Variants in TENM4 observed in about 807,000 individuals in gnomAD.
TENM4 encodes the protein teneurin transmembrane protein 4, also known as teneurin-4.
TENM4 carries 82 observed loss-of-function variants against 243.3 expected under a neutral mutation model. That is an observed-to-expected ratio of 0.34 (90% CI 0.28 to 0.40). The LOEUF (loss-of-function observed/expected upper bound fraction) is 0.40. TENM4 is among the 10% of genes least tolerant of loss of function. TENM4 has a pLI of 1.00. For missense variants in TENM4, 3,138 were observed against 3,673.3 expected (o/e 0.85, Z 3.77); for synonymous variants, 1,412 against 1,456.3 (o/e 0.97, Z 0.69).
Position 79,158,614 on chromosome 11 carries a change from G to A in TENM4, c.-162-9808C>T, listed in dbSNP as rs1862674785. 2.0e-5 allele frequency among the ~76,000 whole-genome samples: 3 copies of A among 152,198 alleles called. No individual in the cohort carries two copies. In the South Asian group the frequency reaches 6.2e-4, roughly 32 times the overall value. ...GGAATGGGGAAGGTGAGTAGAATGA[G>A]AAGAATATCATTTCTCATTGTAGTT... On this transcript the variant is annotated intron_variant, in intron 3 of 33. Coordinates refer to ENST00000278550, the MANE Select transcript of TENM4 (RefSeq NM_001098816.3).
Position 78,708,969 on chromosome 11 carries a change from C to CTTT in TENM4, c.4055-457_4055-455dup, listed in dbSNP as rs59269770. 5.2e-3 allele frequency among the ~76,000 whole-genome samples: 585 copies of CTTT among 113,118 alleles called. 6 individuals carry two copies. The highest frequency in any genetic ancestry group is 0.015 in the African/African-American group (548 of 35,812). The allele number at this position is 113,118 out of a possible 152,430, so 74.2% of individuals were successfully genotyped here. On this transcript the variant is annotated intron_variant, in intron 26 of 33. Coordinates refer to ENST00000278550, the MANE Select transcript of TENM4 (RefSeq NM_001098816.3). ...ATTTTTCTTTTCTTTCTTTTTCTTT[C>CTTT]TTTTTTTTTTTTTTTAAAAAAAGAG...
intron 20 of TENM4, among the ~76,000 whole-genome samples, chr11:78,732,860 G>A (rs1855700350): frequency 6.6e-6 from 1 of 152,166 alleles, no homozygotes; most frequent in African/African-American, 2.4e-5. Flanking sequence ...GCTGACAGTG[G>A]TGCTGCTGGT....
intron 14 of TENM4, among the ~76,000 whole-genome samples, chr11:78,811,021 T>C (rs1407853469): frequency 6.6e-6 from 1 of 152,188 alleles, no homozygotes; most frequent in Non-Finnish European, 1.5e-5. Flanking sequence ...CCCAGAATAA[T>C]ACTAATAACA....
chr11:79,009,924 T>A (rs1858598474), intron 6 of TENM4, among the ~76,000 whole-genome samples: 1 of 151,766 alleles, frequency 6.6e-6, no homozygotes, highest in Admixed American at 6.6e-5. Flanking sequence ...GTCATGGGGG[T>A]GGGTTTTTCT....
At chr11:78,770,122 A>G (rs563365262) in intron 18 of TENM4, among the ~76,000 whole-genome samples, 2 of 152,342 alleles carry the variant, frequency 1.3e-5, no homozygotes, top group Admixed American at 6.5e-5. Flanking sequence ...ATGTTTTTTC[A>G]TATCTTTATC....
intron 6 of TENM4, among the ~76,000 whole-genome samples, chr11:79,017,218 C>G (rs1013856417): frequency 6.6e-6 from 1 of 152,142 alleles, no homozygotes; most frequent in Non-Finnish European, 1.5e-5. Flanking sequence ...CAAACAGGAT[C>G]AGTTTAGACA....
At chr11:78,659,442 G>A (rs1219823467) in intron 33 of TENM4, among the ~76,000 whole-genome samples, 1 of 151,738 alleles carries the variant, frequency 6.6e-6, no homozygotes, top group African/African-American at 2.4e-5. Flanking sequence ...GGCTGCTGGA[G>A]AAGGAAGGAG....
intron 3 of TENM4, among the ~76,000 whole-genome samples, chr11:79,192,232 C>T (rs1293642941): frequency 6.6e-6 from 1 of 151,430 alleles, no homozygotes; most frequent in Non-Finnish European, 1.5e-5. Context: ...AGTGAGGAGC[C>T]CCTCTGCCCG....
intron 4 of TENM4, among the ~76,000 whole-genome samples, chr11:79,132,429 C>T (rs569041561): frequency 9.4e-5 from 14 of 149,726 alleles, no homozygotes; most frequent in African/African-American, 3.4e-4. Flanking sequence ...CAGCACTAGA[C>T]AGGTCATCAA....
chr11:79,295,377 A>T (rs1856431869), intron 2 of TENM4, among the ~76,000 whole-genome samples: 1 of 152,158 alleles, frequency 6.6e-6, no homozygotes, highest in South Asian at 2.1e-4. Context: ...GGGAAACTCA[A>T]CCTGTAAAGG....
At chr11:78,867,709 C>T (rs1859018175) in intron 9 of TENM4, among the ~76,000 whole-genome samples, 1 of 152,062 alleles carries the variant, frequency 6.6e-6, no homozygotes, top group African/African-American at 2.4e-5. Flanking sequence ...CAGTTTCATA[C>T]TTATATAAAA....
intron 2 of TENM4, among the ~76,000 whole-genome samples, chr11:79,262,302 G>T (rs1011449373): frequency 1.3e-5 from 2 of 152,152 alleles, no homozygotes; most frequent in Non-Finnish European, 1.5e-5. Flanking sequence ...CACAGTTTAT[G>T]GGTGCTTTTC....
Position 78,856,105 on chromosome 11 carries a change from G to A in TENM4, c.1329C>T (p.Ser443=). The part of the protein sequence containing the change: ...SGEIDVGRRA[S]QKIPPGTFWR... Reference sequence around the variant, plus strand: ...AGAAAGTGCCAGGAGGAATCTTCTGGGAAGCTCGCCTTCCCACATCAATTT... The same window carrying A: ...AGAAAGTGCCAGGAGGAATCTTCTGAGAAGCTCGCCTTCCCACATCAATTT... Residue 443 remains serine, a synonymous_variant, in exon 11 of 34, where the codon TCC becomes TCT. Coordinates refer to ENST00000278550, the MANE Select transcript of TENM4 (RefSeq NM_001098816.3). 1 of 1,551,602 alleles carries A rather than the reference G, an allele frequency of 6.4e-7. No individual in the cohort carries two copies. The highest frequency in any genetic ancestry group is 8.7e-7 in the Non-Finnish European group (1 of 1,146,972).
At chr11:78,815,047 A>G (rs1857575599) in intron 12 of TENM4, among the ~76,000 whole-genome samples, 1 of 152,080 alleles carries the variant, frequency 6.6e-6, no homozygotes, top group South Asian at 2.1e-4. Context: ...AGGGCTCCCC[A>G]TTTGCTAAGA....
chr11:78,765,942 T>C (rs1026972850), intron 18 of TENM4, among the ~76,000 whole-genome samples: 2 of 152,232 alleles, frequency 1.3e-5, no homozygotes, highest in Non-Finnish European at 2.9e-5. Flanking sequence ...ACATATTATA[T>C]AGAGAAATAT....
At chr11:78,884,445 T>C (rs1855506244) in intron 9 of TENM4, among the ~76,000 whole-genome samples, 1 of 109,052 alleles carries the variant, frequency 9.2e-6, no homozygotes, top group Non-Finnish European at 2.0e-5. Flanking sequence ...TGATTCTACA[T>C]TGTCTGTTCC....
chr11:79,335,298 G>A (rs896521460), intron 1 of TENM4, among the ~76,000 whole-genome samples: 2 of 152,162 alleles, frequency 1.3e-5, no homozygotes, highest in African/African-American at 4.8e-5. Context: ...ATGATCTCAA[G>A]GCAATAACTG....
chr11:79,430,377 G>C (rs1164883751), intron 1 of TENM4, among the ~76,000 whole-genome samples: 2 of 152,276 alleles, frequency 1.3e-5, no homozygotes, highest in Non-Finnish European at 2.9e-5. Flanking sequence ...GTACCAGAGA[G>C]AGCATAAGAC....
intron 6 of TENM4, among the ~76,000 whole-genome samples, chr11:78,916,353 T>C (rs978242224): frequency 4.6e-5 from 7 of 152,186 alleles, no homozygotes; most frequent in Non-Finnish European, 7.3e-5. Context: ...TTCACTCTCA[T>C]AGCTCCTTGG....
Sources: allele counts gnomAD v4.1 joint callset (sites outside exome capture counted in the v4.1 genomes callset), GRCh38; gene constraint gnomAD v4.1.1; transcripts MANE v1.5; gene names NCBI Gene and HGNC (gene_info 2026-07-23, HGNC 2026-07-21).